GALNTL6: variants seen among roughly 807,000 people sequenced by gnomAD.
GALNTL6 encodes the protein polypeptide N-acetylgalactosaminyltransferase-like 6.
Under a neutral mutation model 73.7 loss-of-function variants are expected in GALNTL6, and 46 were observed. That is an observed-to-expected ratio of 0.62 (90% CI 0.49 to 0.80). The LOEUF is 0.80. GALNTL6 is among the 30% of genes least tolerant of loss of function. The pLI, the probability that GALNTL6 is intolerant of heterozygous loss-of-function variation, is 0.00. For missense variants in GALNTL6, 604 were observed against 755.0 expected, an observed-to-expected ratio of 0.80 and a Z score of 2.34; for synonymous variants, 259 against 263.7, an observed-to-expected ratio of 0.98 and a Z score of 0.17.
chr4:173,034,023 C>G (rs951426562), intron 12 of GALNTL6, among the ~76,000 whole-genome samples: 1 of 152,174 alleles, frequency 6.6e-6, no homozygotes, highest in Non-Finnish European at 1.5e-5. Flanking sequence ...CATTCCCACA[C>G]CAATCCTGTT....
chr4:172,146,874 A>T (rs982490181), intron 2 of GALNTL6, among the ~76,000 whole-genome samples: 4 of 152,242 alleles, frequency 2.6e-5, no homozygotes, highest in Non-Finnish European at 4.4e-5. Flanking sequence ...ATCAATAAGC[A>T]CATATTAGCT....
At chr4:171,988,885 G>T (rs956192414) in intron 2 of GALNTL6, among the ~76,000 whole-genome samples, 1 of 152,210 alleles carries the variant, frequency 6.6e-6, no homozygotes, top group Non-Finnish European at 1.5e-5. Flanking sequence ...TTAAGGTGGG[G>T]AGACACAAGG....
chr4:172,352,654 T>G (rs559896727), intron 5 of GALNTL6, among the ~76,000 whole-genome samples: 1 of 152,176 alleles, frequency 6.6e-6, no homozygotes, highest in African/African-American at 2.4e-5. Context: ...CCCTGAACTT[T>G]GCATGCTTAG....
At chr4:172,803,566 T>A (rs1260931968) in intron 5 of GALNTL6, among the ~76,000 whole-genome samples, 1 of 152,194 alleles carries the variant, frequency 6.6e-6, no homozygotes, top group African/African-American at 2.4e-5. Flanking sequence ...ACAAGAATAC[T>A]TCATAGGTGG....
At chr4:171,898,672 A>G (rs1005115184) in intron 2 of GALNTL6, among the ~76,000 whole-genome samples, 1 of 152,090 alleles carries the variant, frequency 6.6e-6, no homozygotes, top group African/African-American at 2.4e-5. Context: ...AAACAAACCT[A>G]TCAGTTGCCT....
At chr4:171,889,059 A>G (rs1736685909) in intron 2 of GALNTL6, among the ~76,000 whole-genome samples, 1 of 152,048 alleles carries the variant, frequency 6.6e-6, no homozygotes, top group Non-Finnish European at 1.5e-5. Context: ...GAGAAAGAAA[A>G]TCACAACTTG....
chr4:171,953,123 G>A (rs28642344), intron 2 of GALNTL6, among the ~76,000 whole-genome samples: 2,986 of 152,138 alleles, frequency 0.02, 98 homozygotes, highest in African/African-American at 0.068. Context: ...GAAAAAAAGG[G>A]CTAAAAAATT....
intron 12 of GALNTL6, among the ~76,000 whole-genome samples, chr4:173,033,969 C>T (rs897989862): frequency 2.0e-5 from 3 of 152,298 alleles, no homozygotes; most frequent in African/African-American, 4.8e-5. Context: ...TTTGATGTCT[C>T]GTAAGCATCT....
intron 5 of GALNTL6, chr4:172,667,850 A>T (rs1462266002): frequency 6.6e-6 from 1 of 152,214 alleles, no homozygotes; most frequent in Non-Finnish European, 1.5e-5. Context: ...CCTGCTTATC[A>T]CTGGGAGGAT....
In GALNTL6 at chr4:172,062,523, A is replaced by G. The variant is rs531881592; in HGVS notation, c.139-167133A>G. Among the ~76,000 whole-genome samples the G allele has an allele frequency of 2.8e-4, 43 of 152,348 alleles. 1 individual carries two copies. In the South Asian group the frequency reaches 8.7e-3, roughly 31 times the overall value. Reference sequence around the variant, plus strand: ...GTATTTTCTCCCTTCGTAGAAAGTCATATCTCTTAAAAGTAAGGAAATATA... The same window carrying G: ...GTATTTTCTCCCTTCGTAGAAAGTCGTATCTCTTAAAAGTAAGGAAATATA... On this transcript the variant is annotated intron_variant, in intron 2 of 12. Transcript: ENST00000506823.
intron 3 of GALNTL6, among the ~76,000 whole-genome samples, chr4:172,302,630 C>A (rs889123725): frequency 6.6e-6 from 1 of 152,034 alleles, no homozygotes; most frequent in Non-Finnish European, 1.5e-5. Context: ...TCCATGCTGG[C>A]AAGAAAATAA....
At chr4:171,846,360 T>A (rs1735367464) in intron 2 of GALNTL6, among the ~76,000 whole-genome samples, 1 of 152,154 alleles carries the variant, frequency 6.6e-6, no homozygotes, top group Non-Finnish European at 1.5e-5. Flanking sequence ...GGGAACTATT[T>A]CTTATCTTCT....
intron 5 of GALNTL6, chr4:172,545,632 T>C (rs1205758217): frequency 6.6e-6 from 1 of 152,242 alleles, no homozygotes; most frequent in Non-Finnish European, 1.5e-5. Context: ...TGCCCTCTGT[T>C]TATTTCCCCT....
chr4:173,011,458 A>G (rs1281022230), intron 11 of GALNTL6, among the ~76,000 whole-genome samples: 4 of 152,150 alleles, frequency 2.6e-5, no homozygotes, highest in African/African-American at 9.7e-5. Context: ...AGTTTCCTCA[A>G]TGTTTTCTTG....
At chr4:172,482,386 G>A (rs181016266) in intron 5 of GALNTL6, among the ~76,000 whole-genome samples, 41 of 152,356 alleles carry the variant, frequency 2.7e-4, no homozygotes, top group East Asian at 1.9e-3. Context: ...CCAAGGAGGC[G>A]CTGAGAGCGA....
chr4:171,978,606 T>C (rs1001554316), intron 2 of GALNTL6, among the ~76,000 whole-genome samples: 2 of 152,206 alleles, frequency 1.3e-5, no homozygotes, highest in African/African-American at 2.4e-5. Flanking sequence ...GGGTTCACAG[T>C]TGAGTTTCAG....
chr4:171,871,646 C>T (rs903950740), intron 2 of GALNTL6, among the ~76,000 whole-genome samples: 1 of 152,070 alleles, frequency 6.6e-6, no homozygotes. Context: ...AGCAATGGCT[C>T]TGTGCATACT....
chr4:172,525,959 ATTTTAAG>A (rs1734939357), intron 5 of GALNTL6, among the ~76,000 whole-genome samples: 1 of 152,186 alleles, frequency 6.6e-6, no homozygotes, highest in Non-Finnish European at 1.5e-5. Flanking sequence ...TTATTTCTTT[ATTTTAAG>A]TTCTTACATA....
At chr4:172,885,607 A>T (rs1745678636) in intron 8 of GALNTL6, among the ~76,000 whole-genome samples, 1 of 152,172 alleles carries the variant, frequency 6.6e-6, no homozygotes, top group East Asian at 1.9e-4. Context: ...AATAAAAGTG[A>T]TGAAAGTGAG....
Sources: gnomAD v4.1 joint callset for allele counts (sites outside exome capture counted in the v4.1 genomes callset) on GRCh38, gnomAD v4.1.1 for gene constraint, MANE v1.5 for transcripts, NCBI Gene and HGNC (gene_info 2026-07-23, HGNC 2026-07-21) for gene names.